Variants in DMD observed in about 807,000 individuals in gnomAD.
DMD encodes mutant dystrophin.
Under a neutral mutation model 330.1 loss-of-function variants are expected in DMD, and 63 were observed. That is an observed-to-expected ratio of 0.19 (90% CI 0.16 to 0.24). The LOEUF is 0.24. Among genes scored for constraint, DMD ranks in the 10% least tolerant of loss-of-function variants. DMD has a pLI of 1.00. For missense variants in DMD, 3,344 were observed against 2,684.1 expected (o/e 1.25, Z -5.43); for synonymous variants, 1,223 against 959.8 (o/e 1.27, Z -5.07).
chrX:33,017,257 C>T (rs1156496450), intron 2 of DMD, among the ~76,000 whole-genome samples: 2 of 111,560 alleles, frequency 1.8e-5, no homozygotes, highest in Non-Finnish European at 3.8e-5. Context: ...ATATCCCTTC[C>T]GTAGCTTTAC....
At position 31,658,793 on chromosome X, in the gene DMD, C is replaced by T. The variant is rs1156880752; in HGVS notation, c.7873-649G>A. Among the ~76,000 whole-genome samples, 3 of 112,368 alleles carry T rather than the reference C, an allele frequency of 2.7e-5. No individual in the cohort carries two copies. In the Admixed American group the frequency reaches 2.8e-4, roughly 11 times the overall value. ...AGTGTTTTCAAACTTGCTATCTCAT[C>T]ACTTGAAACATATTTCAAAGAAAGA... On this transcript the variant is annotated intron_variant, in intron 53 of 78. Coordinates refer to ENST00000357033, the MANE Select transcript of DMD (RefSeq NM_004006.3).
chrX:32,141,481 C>T (rs772414295), intron 44 of DMD, among the ~76,000 whole-genome samples: 1 of 101,764 alleles, frequency 9.8e-6, no homozygotes, highest in African/African-American at 3.8e-5. Context: ...AAAAACAAAA[C>T]ACGTTAATTC....
At chrX:33,265,913 G>C (rs2053033482) in intron 1 of DMD, among the ~76,000 whole-genome samples, 1 of 111,387 alleles carries the variant, frequency 9.0e-6, no homozygotes. Context: ...AAATTATTTA[G>C]TCAGCTTTAT....
At chrX:32,432,128 A>G (rs973985057) in intron 29 of DMD, among the ~76,000 whole-genome samples, 1 of 111,774 alleles carries the variant, frequency 8.9e-6, no homozygotes, top group Non-Finnish European at 1.9e-5. Context: ...TATTATAATT[A>G]TTCTATTACT....
chrX:31,903,630 G>T (rs1225863722), intron 47 of DMD, among the ~76,000 whole-genome samples: 1 of 111,973 alleles, frequency 8.9e-6, no homozygotes, highest in Non-Finnish European at 1.9e-5. Context: ...TGTGAATACT[G>T]AAAGCAAATG....
chrX:32,095,505 A>G (rs1323486611), intron 44 of DMD, among the ~76,000 whole-genome samples: 8 of 111,680 alleles, frequency 7.2e-5, no homozygotes, highest in African/African-American at 2.3e-4. Context: ...ATCCTCCCCA[A>G]AGGGATGGAT....
chrX:32,052,750 C>T (rs780961316), intron 44 of DMD, among the ~76,000 whole-genome samples: 1 of 110,852 alleles, frequency 9.0e-6, no homozygotes, highest in East Asian at 2.9e-4. Context: ...TATAACATAG[C>T]ATACTGAAGG....
At chrX:32,681,880 T>C (rs1184844099) in intron 9 of DMD, among the ~76,000 whole-genome samples, 1 of 102,440 alleles carries the variant, frequency 9.8e-6, no homozygotes, top group East Asian at 2.8e-4. Flanking sequence ...AAGATCTCTT[T>C]GCAGTCTAAG....
rs144861920 is a variant in DMD at position 32,673,987 on chromosome X, G to A, written c.960+23883C>T. 4.8e-3 allele frequency among the ~76,000 whole-genome samples: 541 copies of A among 111,556 alleles called. 7 individuals are homozygous for A. Among genetic ancestry groups the A allele is most frequent in the African/African-American group, 0.016 (480 of 30,775 alleles). On this transcript the variant is annotated intron_variant, in intron 9 of 78. Coordinates refer to ENST00000357033, the MANE Select transcript of DMD (RefSeq NM_004006.3). ...AACACCTTGTTATCACTCAAACCTA[G>A]GGCAAGCACCAGGACTTTTAAACAA...
intron 61 of DMD, among the ~76,000 whole-genome samples, chrX:31,326,308 G>C (rs1682415941): frequency 9.0e-6 from 1 of 110,733 alleles, no homozygotes; most frequent in Non-Finnish European, 1.9e-5. Flanking sequence ...CTAAATAGCT[G>C]AAAATATTTT....
At chrX:31,532,182 G>A (rs1475578714) in intron 55 of DMD, among the ~76,000 whole-genome samples, 1 of 100,024 alleles carries the variant, frequency 1.0e-5, no homozygotes, top group Non-Finnish European at 2.0e-5. Context: ...ACACATAATT[G>A]TCAGATTCAC....
rs755057841 is a variant in DMD at position 31,948,704 on chromosome X, A to G, written c.6615-16477T>C. On this transcript the variant is annotated intron_variant, in intron 45 of 78. Transcript: ENST00000357033. ...GTCTTCTTTGGAGAAATATATATTT[A>G]AATATTTTAAAAATCAAGTTATTTG... is the stretch of plus-strand genomic sequence containing the variant. Among the ~76,000 whole-genome samples the G allele has an allele frequency of 2.7e-5, 3 of 111,253 alleles. No homozygotes were observed. The Admixed American group carries it at 2.9e-4, about 11-fold the overall frequency.
intron 1 of DMD, among the ~76,000 whole-genome samples, chrX:33,231,637 T>C (rs1004090079): frequency 2.7e-5 from 3 of 111,357 alleles, no homozygotes; most frequent in African/African-American, 9.8e-5. Flanking sequence ...AAAGGGGCTA[T>C]CGAGGCACCT....
chrX:31,832,145 G>C (rs1221063709), intron 49 of DMD, among the ~76,000 whole-genome samples: 2 of 111,810 alleles, frequency 1.8e-5, no homozygotes, highest in African/African-American at 6.5e-5. Flanking sequence ...CCAGGTAAAT[G>C]AGATTGTACG....
intron 25 of DMD, among the ~76,000 whole-genome samples, chrX:32,457,099 C>T (rs1359876208): frequency 9.2e-6 from 1 of 108,354 alleles, no homozygotes; most frequent in Non-Finnish European, 1.9e-5. Flanking sequence ...CCCTGGAACA[C>T]TTTCAAATTT....
intron 16 of DMD, among the ~76,000 whole-genome samples, chrX:32,548,976 C>A (rs1045567874): frequency 1.8e-5 from 2 of 111,739 alleles, no homozygotes; most frequent in Non-Finnish European, 3.8e-5. Flanking sequence ...TACTTTTACC[C>A]AGTCACCTTT....
At chrX:32,106,617 T>G (rs1409607288) in intron 44 of DMD, among the ~76,000 whole-genome samples, 1 of 111,733 alleles carries the variant, frequency 8.9e-6, no homozygotes, top group Non-Finnish European at 1.9e-5. Context: ...GCATTTATTA[T>G]TATTCCCATG....
At chrX:32,200,809 G>A (rs189334288) in intron 44 of DMD, among the ~76,000 whole-genome samples, 1 of 111,684 alleles carries the variant, frequency 9.0e-6, no homozygotes, top group African/African-American at 3.3e-5. Flanking sequence ...AGTACTAGCC[G>A]CATTTTAAGA....
chrX:31,706,572 G>A (rs1424468193), intron 52 of DMD, among the ~76,000 whole-genome samples: 3 of 108,736 alleles, frequency 2.8e-5, no homozygotes, highest in Admixed American at 9.8e-5. Flanking sequence ...TTTTGGTTAC[G>A]TCAGACTCTA....
Sources: gnomAD v4.1 joint callset for allele counts (sites outside exome capture counted in the v4.1 genomes callset) on GRCh38, gnomAD v4.1.1 for gene constraint, MANE v1.5 for transcripts, NCBI Gene and HGNC (gene_info 2026-07-23, HGNC 2026-07-21) for gene names.